The following LYN variants were observed in gnomAD, a reference collection of about 807,000 sequenced individuals.
LYN encodes the protein tyrosine-protein kinase Lyn.
A neutral mutation model predicts 65.0 loss-of-function variants in LYN; 12 were observed. The observed-to-expected ratio is 0.18, with a 90% CI of 0.12 to 0.30. The LOEUF is 0.30. Ranked by LOEUF, LYN falls within the 10% of genes least tolerant of loss-of-function variation. The probability of loss-of-function intolerance (pLI) is 1.00; values close to 1 mark genes in which losing one functional copy is unlikely to be tolerated. For synonymous variants in LYN, 222 were observed against 221.2 expected (o/e 1.00, Z -0.03); for missense variants, 380 against 623.2 (o/e 0.61, Z 4.16).
At chr8:55,997,415 C>A (rs1808401651) in intron 10 of LYN, among the ~76,000 whole-genome samples, 1 of 152,142 alleles carries the variant, frequency 6.6e-6, no homozygotes, top group African/African-American at 2.4e-5. Flanking sequence ...AGTTTAGGGG[C>A]AAGGAAAGCC....
intron 1 of LYN, among the ~76,000 whole-genome samples, chr8:55,905,379 A>T (rs565895770): frequency 6.6e-6 from 1 of 151,536 alleles, no homozygotes; most frequent in South Asian, 2.1e-4. Context: ...ATTGCACTCC[A>T]GCCTGGGCAA....
At chr8:55,976,855 A>G (rs1807769533) in intron 10 of LYN, among the ~76,000 whole-genome samples, 1 of 152,070 alleles carries the variant, frequency 6.6e-6, no homozygotes, top group Non-Finnish European at 1.5e-5. Flanking sequence ...GTATATGGAG[A>G]GAACAGCTTA....
chr8:55,931,698 G>T (rs1806275911), intron 1 of LYN, among the ~76,000 whole-genome samples: 1 of 151,430 alleles, frequency 6.6e-6, no homozygotes, highest in African/African-American at 2.4e-5. Context: ...AAATATATAT[G>T]TATTAAAATT....
At chr8:55,881,889 C>T (rs1263676973) in intron 1 of LYN, among the ~76,000 whole-genome samples, 1 of 152,210 alleles carries the variant, frequency 6.6e-6, no homozygotes, top group Non-Finnish European at 1.5e-5. Context: ...ATAGTAGGTG[C>T]TCAGTTCGAG....
chr8:55,964,147 GT>G (rs564580890), intron 8 of LYN, among the ~76,000 whole-genome samples: 3 of 150,754 alleles, frequency 2.0e-5, no homozygotes, highest in South Asian at 2.1e-4. Flanking sequence ...ACCTAGGATG[GT>G]TTTTTTTTGT....
chr8:55,924,655 C>T (rs1563513002), intron 1 of LYN, among the ~76,000 whole-genome samples: 3 of 152,036 alleles, frequency 2.0e-5, no homozygotes, highest in Admixed American at 2.0e-4. Flanking sequence ...TGAGCCACCG[C>T]GCCCAGCTGC....
chr8:55,902,707 AC>A (rs1224620526), intron 1 of LYN: 8 of 472,292 alleles, frequency 1.7e-5, no homozygotes, highest in African/African-American at 1.6e-4. Flanking sequence ...TACATATTTT[AC>A]TCATAAGCAT....
chr8:55,983,900 A>G (rs1226416470), intron 10 of LYN, among the ~76,000 whole-genome samples: 4 of 152,182 alleles, frequency 2.6e-5, no homozygotes, highest in Non-Finnish European at 5.9e-5. Flanking sequence ...AAACAATAGA[A>G]ATGTATTTTC....
chr8:55,931,001 G>A (rs1806252927), intron 1 of LYN, among the ~76,000 whole-genome samples: 3 of 151,850 alleles, frequency 2.0e-5, no homozygotes, highest in Non-Finnish European at 4.4e-5. Flanking sequence ...AGGACCTTAG[G>A]CCATGGGTTC....
At chr8:55,943,576 A>AT in intron 2 of LYN, among the ~76,000 whole-genome samples, 3 of 76,656 alleles carry the variant, frequency 3.9e-5, no homozygotes, top group Non-Finnish European at 1.0e-4. Flanking sequence ...ACTCTGTCTC[A>AT]AAAAAAAAAA....
intron 1 of LYN, among the ~76,000 whole-genome samples, chr8:55,906,483 A>G (rs1805423682): frequency 6.6e-6 from 1 of 152,054 alleles, no homozygotes; most frequent in African/African-American, 2.4e-5. Context: ...CAGCCTCCCA[A>G]GTAGCTGGGA....
chr8:55,943,688 C>T (rs940654353), intron 2 of LYN, among the ~76,000 whole-genome samples: 14 of 152,118 alleles, frequency 9.2e-5, no homozygotes, highest in African/African-American at 3.4e-4. Context: ...GCCTGCCCTC[C>T]CCTCAATATG....
chr8:55,950,522 C>T lies in LYN; in HGVS notation c.348C>T (p.Asn116=). The change falls in exon 5 of 13, where the codon AAC becomes AAT. Residue 116 remains asparagine, a synonymous_variant. Transcript: ENST00000519728. ...LTKKEGFIPS[N]YVAKLNTLET... ...AAAAAGAAGGCTTCATCCCCAGCAA[C>T]TATGTGGCCAAACTCAACACCTTAG... 6.2e-7 allele frequency: 1 copy of T among 1,613,936 alleles called. No homozygotes were observed. The highest frequency in any genetic ancestry group is 8.5e-7 in the Non-Finnish European group (1 of 1,179,978).
intron 1 of LYN, among the ~76,000 whole-genome samples, chr8:55,899,479 G>A (rs1266636877): frequency 6.6e-6 from 1 of 152,128 alleles, no homozygotes; most frequent in Non-Finnish European, 1.5e-5. Context: ...TGTAAACGCA[G>A]GAATAAGACC....
chr8:55,966,971 T>C, intron 9 of LYN, 74 bp downstream of exon 9: 1 of 1,370,802 alleles, frequency 7.3e-7, no homozygotes, highest in South Asian at 1.4e-5. Context: ...TGTTCAGAGG[T>C]CACTCAACTA....
intron 2 of LYN, among the ~76,000 whole-genome samples, chr8:55,942,395 G>GTATATATATGTGTATATATATGTGTA (rs35946646): frequency 2.3e-5 from 3 of 130,682 alleles, no homozygotes; most frequent in Non-Finnish European, 3.2e-5. Context: ...ATATATATGT[G>GTATATATATGTGTATATATATGTGTA]TATATATGTG....
intron 1 of LYN, among the ~76,000 whole-genome samples, chr8:55,925,135 T>C (rs905661180): frequency 2.6e-5 from 4 of 152,118 alleles, no homozygotes; most frequent in Non-Finnish European, 5.9e-5. Flanking sequence ...TTTTTTTGTT[T>C]GTTTTGAGAC....
At position 55,879,896 on chromosome 8, in the gene LYN, G is replaced by A; in HGVS notation, c.-213G>A. ...CGCTCCCCGGCCGTGGCGCCTCCGGGCCAGACGCGCTGCAGCCTCCAGCCC... is the reference window on the plus strand; with the variant it reads ...CGCTCCCCGGCCGTGGCGCCTCCGGACCAGACGCGCTGCAGCCTCCAGCCC... On this transcript the variant is annotated 5_prime_UTR_variant, in exon 1 of 13. Coordinates refer to ENST00000519728, the MANE Select transcript of LYN (RefSeq NM_002350.4). 5.0e-6 allele frequency: 1 copy of A among 201,580 alleles called. No homozygotes were observed. The highest frequency in any genetic ancestry group is 7.2e-5 in the South Asian group (1 of 13,894). The allele number at this position is 201,580 out of a possible 1,614,324, so 12.5% of individuals were successfully genotyped here.
At chr8:55,969,917 T>C (rs892489795) in intron 10 of LYN, 124 bp downstream of exon 10, 3 of 798,440 alleles carry the variant, frequency 3.8e-6, no homozygotes, top group African/African-American at 3.4e-5. Context: ...GCAGCAGTTA[T>C]GAGAAAAAGA....
Sources: gnomAD v4.1 joint callset for allele counts (sites outside exome capture counted in the v4.1 genomes callset) on GRCh38, gnomAD v4.1.1 for gene constraint, MANE v1.5 for transcripts, NCBI Gene and HGNC (gene_info 2026-07-23, HGNC 2026-07-21) for gene names.